The following TRIM35 variants were observed in gnomAD, a reference collection of about 807,000 sequenced individuals.
The protein encoded by TRIM35 is tripartite motif containing 35, also known as E3 ubiquitin-protein ligase TRIM35.
TRIM35 carries 37 observed loss-of-function variants against 49.1 expected under a neutral mutation model. The ratio of observed to expected loss-of-function variants is 0.75; its 90% CI spans 0.58 to 0.99. The LOEUF is 0.99. Ranked by LOEUF, TRIM35 falls within the 50% of genes least tolerant of loss-of-function variation. The probability of loss-of-function intolerance (pLI) is 0.00; values close to 1 mark genes in which losing one functional copy is unlikely to be tolerated. For missense variants in TRIM35, 648 were observed against 702.7 expected (o/e 0.92, Z 0.88); for synonymous variants, 302 against 289.3 (o/e 1.04, Z -0.45).
chr8:27,293,962 A>C (rs919818633), intron 3 of TRIM35, 118 bp downstream of exon 3: 1 of 947,112 alleles, frequency 1.1e-6, no homozygotes, highest in Non-Finnish European at 1.6e-6. Context: ...GAGCTCCTCC[A>C]GGCCAGTACC....
At chr8:27,290,221 T>C (rs777146245) in intron 3 of TRIM35, 43 bp from the exon 4 acceptor site, 19 of 1,596,304 alleles carry the variant, frequency 1.2e-5, no homozygotes, top group Non-Finnish European at 1.5e-5. Context: ...GACACAGATG[T>C]AGAGGAAATG....
In TRIM35 at chr8:27,287,346, C is replaced by T. The variant is rs1345743274; in HGVS notation, c.*204G>A. The T allele has an allele frequency of 1.2e-5, 7 of 569,932 alleles. No individual in the cohort carries two copies. Among genetic ancestry groups the T allele is most frequent in the East Asian group, 6.1e-5 (2 of 32,836 alleles). 35.3% of individuals were successfully genotyped at this position (569,932 alleles called of 1,614,324 possible). A position where few individuals can be genotyped will look rare whatever the true frequency, so the allele number is the denominator to read the frequency against. On this transcript the variant is annotated 3_prime_UTR_variant, in exon 6 of 6. Coordinates refer to ENST00000305364, the MANE Select transcript of TRIM35 (RefSeq NM_171982.5). This position sits in a 1 kb window ranked among gnomAD's most constrained non-coding sequence, Gnocchi z 6.0. ...AGAGCCTGGCCAGCGAGGTGCCACC[C>T]GAATAGCTCCTGACCATGGGCACAG... is the stretch of plus-strand genomic sequence containing the variant.
chr8:27,290,662 C>T (rs1361546369), intron 3 of TRIM35, among the ~76,000 whole-genome samples: 1 of 152,174 alleles, frequency 6.6e-6, no homozygotes, highest in Non-Finnish European at 1.5e-5. Context: ...GATATTCTGT[C>T]ATAGCAACAG....
intron 3 of TRIM35, among the ~76,000 whole-genome samples, chr8:27,291,707 T>C (rs551431057): frequency 1.3e-5 from 2 of 152,326 alleles, no homozygotes; most frequent in East Asian, 1.9e-4. Context: ...GACTGGGTAA[T>C]TTATAAACAA....
In TRIM35 at chr8:27,286,207, C is replaced by T; in HGVS notation, c.*1343G>A. 1.8e-5 allele frequency: 8 copies of T among 454,848 alleles called. No homozygotes were observed. Among genetic ancestry groups the T allele is most frequent in the South Asian group, 1.2e-4 (8 of 64,182 alleles). 28.2% of individuals were successfully genotyped at this position (454,848 alleles called of 1,614,324 possible). A position where few individuals can be genotyped will look rare whatever the true frequency, so the allele number is the denominator to read the frequency against. The stretch of plus-strand genomic sequence containing the variant: ...CATGATGAGCTGAAGATTAAAAACT[C>T]TTCAGAGATGTGCGAGAAAAAACAA... On this transcript the variant is annotated 3_prime_UTR_variant, in exon 6 of 6. Transcript: ENST00000305364.
intron 1 of TRIM35, among the ~76,000 whole-genome samples, chr8:27,304,341 T>C (rs866234154): frequency 6.6e-6 from 1 of 152,254 alleles, no homozygotes; most frequent in African/African-American, 2.4e-5. Context: ...CCAGGTTTTC[T>C]GTCTTGTGAG....
At chr8:27,291,268 A>G (rs1802447783) in intron 3 of TRIM35, among the ~76,000 whole-genome samples, 2 of 152,204 alleles carry the variant, frequency 1.3e-5, no homozygotes, top group South Asian at 2.1e-4. Context: ...CATTTGTCCA[A>G]GGAAGATCTA....
Position 27,287,784 on chromosome 8 carries a change from G to A in TRIM35, c.1248C>T (p.Ala416=). ...EGDHCVTSDP[A]TSPLVLAIPR... ...GGATGGCCAGGACCAGGGGCGACGT[G>A]GCTGGGTCCGAGGTCACGCAGTGGT... Residue 416 remains alanine, a synonymous_variant, in exon 6 of 6, where the codon GCC becomes GCT. Transcript: ENST00000305364. This position sits in a 1 kb window ranked among gnomAD's most constrained non-coding sequence, Gnocchi z 6.0. The A allele has an allele frequency of 6.2e-7, 1 of 1,610,298 alleles. No individual in the cohort carries two copies. The highest frequency in any genetic ancestry group is 8.5e-7 in the Non-Finnish European group (1 of 1,178,708).
chr8:27,292,259 G>A (rs1179836291), intron 3 of TRIM35, among the ~76,000 whole-genome samples: 9 of 152,270 alleles, frequency 5.9e-5, no homozygotes, highest in East Asian at 5.8e-4. Context: ...GTGCAGCAAC[G>A]TGCTGTACAG....
intron 2 of TRIM35, among the ~76,000 whole-genome samples, chr8:27,297,936 C>G (rs563043200): frequency 6.6e-6 from 1 of 151,986 alleles, no homozygotes; most frequent in Non-Finnish European, 1.5e-5. Context: ...AGGAGGGGCA[C>G]GGCTGGTGTT....
intron 1 of TRIM35, among the ~76,000 whole-genome samples, chr8:27,305,138 A>G (rs760112857): frequency 3.3e-5 from 5 of 152,266 alleles, no homozygotes; most frequent in Non-Finnish European, 7.3e-5. Context: ...TAAGATGCTT[A>G]CATGAGAGTG....
At chr8:27,298,355 T>A (rs561108569) in intron 2 of TRIM35, 109 bp downstream of exon 2, 17 of 1,018,568 alleles carry the variant, frequency 1.7e-5, no homozygotes, top group Non-Finnish European at 2.6e-5. Context: ...GCAGCCGACC[T>A]CTACCCAGCG....
At chr8:27,304,044 T>A (rs1046776345) in intron 1 of TRIM35, among the ~76,000 whole-genome samples, 2 of 152,258 alleles carry the variant, frequency 1.3e-5, no homozygotes, top group African/African-American at 2.4e-5. Context: ...TTATTCATAC[T>A]AAAGGATCCA....
intron 2 of TRIM35, among the ~76,000 whole-genome samples, chr8:27,297,283 T>C (rs1802589420): frequency 6.6e-6 from 1 of 152,178 alleles, no homozygotes; most frequent in Admixed American, 6.5e-5. Flanking sequence ...GGCTCAGCTG[T>C]GGCTAAGATG....
chr8:27,298,376 G>T, intron 2 of TRIM35, 88 bp downstream of exon 2: 1 of 1,344,428 alleles, frequency 7.4e-7, no homozygotes, highest in Non-Finnish European at 1.1e-6. Flanking sequence ...GGTTATGTGA[G>T]CCAAAGCCAC....
chr8:27,291,898 C>A (rs952107634), intron 3 of TRIM35, among the ~76,000 whole-genome samples: 6 of 152,210 alleles, frequency 3.9e-5, no homozygotes, highest in African/African-American at 1.2e-4. Context: ...AGCCCACTCT[C>A]TCAATAACTA....
intron 2 of TRIM35, among the ~76,000 whole-genome samples, chr8:27,296,758 A>C (rs1277591059): frequency 6.6e-6 from 1 of 152,192 alleles, no homozygotes; most frequent in Non-Finnish European, 1.5e-5. Context: ...ACAACTCAAC[A>C]AACTCCAGCA....
chr8:27,288,852 G>T (rs1028423301), intron 5 of TRIM35, among the ~76,000 whole-genome samples: 2 of 152,212 alleles, frequency 1.3e-5, no homozygotes, highest in African/African-American at 4.8e-5. Flanking sequence ...CCAGATGCAG[G>T]AGGTCTTTTA....
intron 4 of TRIM35, among the ~76,000 whole-genome samples, chr8:27,289,805 GCC>G (rs1802415495): frequency 6.6e-6 from 1 of 152,124 alleles, no homozygotes; most frequent in African/African-American, 2.4e-5. Context: ...AACCACCATG[GCC>G]TAAGGCTCTC....
Sources: allele counts gnomAD v4.1 joint callset (sites outside exome capture counted in the v4.1 genomes callset), GRCh38; gene constraint gnomAD v4.1.1; non-coding constraint Gnocchi (gnomAD v3.1); transcripts MANE v1.5; gene names NCBI Gene and HGNC (gene_info 2026-07-23, HGNC 2026-07-21).